Variants in EPS8 observed in about 807,000 individuals in gnomAD.
The protein encoded by EPS8 is epidermal growth factor receptor kinase substrate 8.
EPS8 carries 42 observed loss-of-function variants against 103.8 expected under a neutral mutation model. The ratio of observed to expected loss-of-function variants is 0.40; its 90% CI spans 0.32 to 0.52. The LOEUF (loss-of-function observed/expected upper bound fraction) is 0.52, where lower values mean the gene tolerates loss of function less well. EPS8 is among the 20% of genes least tolerant of loss of function. EPS8 has a pLI of 0.40. For missense variants in EPS8, 969 were observed against 1,005.1 expected (o/e 0.96, Z 0.49); for synonymous variants, 344 against 344.6 (o/e 1.00, Z 0.02).
chr12:15,671,270 A>C (rs1252256627), intron 3 of EPS8, among the ~76,000 whole-genome samples: 2 of 152,114 alleles, frequency 1.3e-5, no homozygotes, highest in African/African-American at 4.8e-5. Flanking sequence ...CTGGCTTATA[A>C]ATTTCATCTG....
chr12:15,663,954 T>TAATAATAATA (rs1565487338), intron 8 of EPS8, among the ~76,000 whole-genome samples: 2 of 22,294 alleles, frequency 9.0e-5, no homozygotes, highest in South Asian at 2.6e-3. Flanking sequence ...AAATAATATA[T>TAATAATAATA]ATATATATAT....
intron 17 of EPS8, among the ~76,000 whole-genome samples, chr12:15,640,269 G>T (rs1207047870): frequency 6.6e-6 from 1 of 152,192 alleles, no homozygotes; most frequent in East Asian, 1.9e-4. Context: ...GTTCAAGGCT[G>T]GTCAGTGGCA....
At chr12:15,657,796 T>C (rs1945533680) in intron 12 of EPS8, 3 of 331,090 alleles carry the variant, frequency 9.1e-6, no homozygotes, top group Non-Finnish European at 1.7e-5. Context: ...TATATACTAG[T>C]ATACGTTGAA....
In EPS8 at chr12:15,695,674, G is replaced by A. The variant is rs1042466012; in HGVS notation, c.-21-12702C>T. Among the ~76,000 whole-genome samples, 2 of 152,118 alleles carry A rather than the reference G, an allele frequency of 1.3e-5. No homozygotes were observed. Among genetic ancestry groups the A allele is most frequent in the African/African-American group, 4.8e-5 (2 of 41,454 alleles). ...GAGCTTACAATCTAGAGGGAGGAGA[G>A]CATGAAATAAGAAAATGAGGCAGGG... On this transcript the variant is annotated intron_variant, in intron 1 of 20. Transcript: ENST00000281172. This position sits in a 1 kb window ranked among gnomAD's most constrained non-coding sequence, Gnocchi z 5.0.
In EPS8 at chr12:15,624,220, G is replaced by A; in HGVS notation, c.2225+7C>T. 6.2e-7 allele frequency: 1 copy of A among 1,610,874 alleles called. No individual in the cohort carries two copies. The highest frequency in any genetic ancestry group is 8.5e-7 in the Non-Finnish European group (1 of 1,177,952). On this transcript the variant is annotated splice_region_variant and intron_variant, in intron 19 of 20. Coordinates refer to ENST00000281172, the MANE Select transcript of EPS8 (RefSeq NM_004447.6). ...CAGAATTGCAAAGTATTCACAGAGAGACTCACACAGGGTTGAATCCCTTTG... is the reference window on the plus strand; with the variant it reads ...CAGAATTGCAAAGTATTCACAGAGAAACTCACACAGGGTTGAATCCCTTTG...
At chr12:15,775,077 C>T (rs541983653) in intron 1 of EPS8, among the ~76,000 whole-genome samples, 10 of 152,006 alleles carry the variant, frequency 6.6e-5, no homozygotes, top group African/African-American at 1.4e-4. Context: ...TGTTAGAATG[C>T]GCTTGGCCCC....
intron 1 of EPS8, among the ~76,000 whole-genome samples, chr12:15,755,872 C>A (rs1946981431): frequency 6.6e-6 from 1 of 152,120 alleles, no homozygotes; most frequent in South Asian, 2.1e-4. Context: ...CTCACCCTCC[C>A]AGAGTTAAAC....
intron 12 of EPS8, among the ~76,000 whole-genome samples, chr12:15,657,497 A>C (rs1591826296): frequency 6.6e-6 from 1 of 152,160 alleles, no homozygotes; most frequent in South Asian, 2.1e-4. Flanking sequence ...TGGCTACCCC[A>C]CTATGTTACA....
At chr12:15,710,842 T>G (rs1946453153) in intron 1 of EPS8, among the ~76,000 whole-genome samples, 1 of 152,072 alleles carries the variant, frequency 6.6e-6, no homozygotes, top group Admixed American at 6.6e-5. Context: ...CAAAAAATAT[T>G]TATACAATTC....
At chr12:15,694,878 T>C (rs778831192) in intron 1 of EPS8, among the ~76,000 whole-genome samples, 2 of 152,200 alleles carry the variant, frequency 1.3e-5, no homozygotes, top group Non-Finnish European at 2.9e-5. Flanking sequence ...GAAATTATAA[T>C]AGAAGTTCTC....
At chr12:15,737,319 A>C (rs909184624) in intron 1 of EPS8, among the ~76,000 whole-genome samples, 10 of 152,162 alleles carry the variant, frequency 6.6e-5, no homozygotes, top group African/African-American at 2.4e-4. Context: ...AAGGGTTGCA[A>C]AACGTGACTT....
chr12:15,739,492 G>A (rs571791826), intron 1 of EPS8, among the ~76,000 whole-genome samples: 1 of 152,240 alleles, frequency 6.6e-6, no homozygotes, highest in South Asian at 2.1e-4. Context: ...TCGACTGGGG[G>A]ACCAGATGGA....
At chr12:15,629,713 T>C (rs1486080523) in intron 18 of EPS8, among the ~76,000 whole-genome samples, 3 of 152,226 alleles carry the variant, frequency 2.0e-5, no homozygotes, top group Non-Finnish European at 4.4e-5. Flanking sequence ...GTCATTTAAA[T>C]TGGACATACC....
At chr12:15,699,260 T>C (rs968076275) in intron 1 of EPS8, among the ~76,000 whole-genome samples, 2 of 152,236 alleles carry the variant, frequency 1.3e-5, no homozygotes, top group African/African-American at 2.4e-5. Context: ...GAGCTTTTAT[T>C]GTGGTATTTT....
intron 3 of EPS8, among the ~76,000 whole-genome samples, chr12:15,676,056 A>G (rs766598651): frequency 2.0e-5 from 3 of 152,102 alleles, no homozygotes; most frequent in South Asian, 4.1e-4. Context: ...GCAGATCTCA[A>G]GGTCAGGAGA....
intron 18 of EPS8, among the ~76,000 whole-genome samples, chr12:15,627,613 C>A (rs1789946788): frequency 6.6e-6 from 1 of 152,168 alleles, no homozygotes; most frequent in Admixed American, 6.5e-5. Flanking sequence ...TTCTGACTTT[C>A]AGCAGAGGGC....
intron 4 of EPS8, among the ~76,000 whole-genome samples, chr12:15,670,352 T>C (rs1466909076): frequency 6.6e-6 from 1 of 152,108 alleles, no homozygotes; most frequent in Non-Finnish European, 1.5e-5. Context: ...TTGACATAGG[T>C]AGAAAACTGA....
At chr12:15,634,542 CA>C (rs1271433893) in intron 17 of EPS8, among the ~76,000 whole-genome samples, 2 of 152,068 alleles carry the variant, frequency 1.3e-5, no homozygotes, top group Non-Finnish European at 2.9e-5. Flanking sequence ...GTAAGCGCAA[CA>C]AAGCCATTAA....
In EPS8 at chr12:15,764,630, C is replaced by A. The variant is rs1947074766; in HGVS notation, c.-22+24531G>T. Among the ~76,000 whole-genome samples the A allele has an allele frequency of 6.6e-6, 1 of 152,116 alleles. No homozygotes were observed. ...TCAACCAGATAAAGTAATGTCTGAA[C>A]CTCTGAAGCCAGAAATTATACTTTA... On this transcript the variant is annotated intron_variant, in intron 1 of 20. Coordinates refer to ENST00000281172, the MANE Select transcript of EPS8 (RefSeq NM_004447.6). The surrounding 1 kb of genome is among the most constrained non-coding windows in gnomAD (Gnocchi z 4.1).
Sources: allele counts gnomAD v4.1 joint callset (sites outside exome capture counted in the v4.1 genomes callset), GRCh38; gene constraint gnomAD v4.1.1; non-coding constraint Gnocchi (gnomAD v3.1); transcripts MANE v1.5; gene names NCBI Gene and HGNC (gene_info 2026-07-23, HGNC 2026-07-21).